IL4I1: variants seen among roughly 807,000 people sequenced by gnomAD.
IL4I1 encodes the protein interleukin 4 induced 1.
In IL4I1, 24 loss-of-function variants were observed where a neutral mutation model predicts 29.7. The ratio of observed to expected loss-of-function variants is 0.81; its 90% CI spans 0.59 to 1.14. The LOEUF (loss-of-function observed/expected upper bound fraction) is 1.14, where lower values mean the gene tolerates loss of function less well. IL4I1 is among the 50% of genes most tolerant of loss of function. The pLI is 0.00. For synonymous variants in IL4I1, 371 were observed against 352.5 expected, an observed-to-expected ratio of 1.05 and a Z score of -0.59; for missense variants, 686 against 785.6, an observed-to-expected ratio of 0.87 and a Z score of 1.52.
intron 7 of IL4I1, 120 bp downstream of exon 7, chr19:49,890,851 C>T: frequency 2.2e-6 from 2 of 909,882 alleles, no homozygotes; most frequent in Non-Finnish European, 3.2e-6. Flanking sequence ...CCGCGACCAT[C>T]AATTAGGCCA....
intron 3 of IL4I1, 117 bp downstream of exon 3, chr19:49,895,698 T>TGCCCCCCCCAACCCCCCCCCCCC: frequency 2.8e-6 from 2 of 705,416 alleles, no homozygotes; most frequent in Non-Finnish European, 4.7e-6. Context: ...AGATAGCCTC[T>TGCCCCCCCCAACCCCCCCCCCCC]CCCCCCACAT....
In IL4I1 at chr19:49,909,749, G is replaced by A. The variant is rs1377446467; in HGVS notation, c.-227-5428C>T. ...AGGTGTGGTTGTTGCCGTCTTTGCAGTGCCAAACGTGAACCCGCCTGTAGG... is the reference window on the plus strand; with the variant it reads ...AGGTGTGGTTGTTGCCGTCTTTGCAATGCCAAACGTGAACCCGCCTGTAGG... On this transcript the variant is annotated intron_variant, in intron 2 of 9. Transcript: ENST00000341114. 3 of 1,614,124 alleles carry A rather than the reference G, an allele frequency of 1.9e-6. No individual in the cohort carries two copies. Among genetic ancestry groups the A allele is most frequent in the Non-Finnish European group, 2.5e-6 (3 of 1,180,042 alleles).
At chr19:49,912,522 G>A (rs1027417829) in intron 2 of IL4I1, among the ~76,000 whole-genome samples, 2 of 152,024 alleles carry the variant, frequency 1.3e-5, no homozygotes. Flanking sequence ...CAGGTGCCAG[G>A]GATCTATTCA....
At chr19:49,920,051 A>ATAGC (rs1400432079) in intron 2 of IL4I1, among the ~76,000 whole-genome samples, 6 of 151,620 alleles carry the variant, frequency 4.0e-5, no homozygotes, top group Non-Finnish European at 8.8e-5. Context: ...AGCCTCCCTA[A>ATAGC]TAGCTGGGAT....
chr19:49,907,537 C>CTTTTTTT (rs4009637), intron 2 of IL4I1: 9 of 332,844 alleles, frequency 2.7e-5, no homozygotes, highest in Admixed American at 4.1e-5. Flanking sequence ...CTGGGAGTTT[C>CTTTTTTT]TTTTTTTTTT....
At chr19:49,923,299 C>G (rs939471714) in intron 2 of IL4I1, among the ~76,000 whole-genome samples, 11 of 152,164 alleles carry the variant, frequency 7.2e-5, no homozygotes, top group Non-Finnish European at 1.3e-4. Flanking sequence ...ACCCAGTTAC[C>G]CTCCCTGGCT....
chr19:49,914,295 C>T (rs940760796), intron 2 of IL4I1, among the ~76,000 whole-genome samples: 9 of 152,198 alleles, frequency 5.9e-5, no homozygotes, highest in East Asian at 1.9e-4. Context: ...GTGCTGGTGG[C>T]GGTGGAGGAA....
At chr19:49,905,699 C>T (rs1029907171) in intron 2 of IL4I1, among the ~76,000 whole-genome samples, 4 of 152,172 alleles carry the variant, frequency 2.6e-5, no homozygotes, top group Middle Eastern at 3.4e-3. Flanking sequence ...CGGGTTCAAG[C>T]GATTCTCCTG....
At chr19:49,899,808 G>A (rs1000791431), upstream of IL4I1, among the ~76,000 whole-genome samples, 1 of 152,102 alleles carries the variant, frequency 6.6e-6, no homozygotes, top group East Asian at 1.9e-4. Flanking sequence ...GCCCGCCTCG[G>A]CCTCCCAAAG....
Position 49,890,372 on chromosome 19 carries a change from C to G in IL4I1, c.1002G>C (p.Pro334=), listed in dbSNP as rs1381036841. 6.3e-7 allele frequency: 1 copy of G among 1,599,976 alleles called. No individual in the cohort carries two copies. The highest frequency in any genetic ancestry group is 2.3e-5 in the East Asian group (1 of 44,442). ...GPAVKRITFS[P]PLPRHMQEAL... ...CCTCCTGCATGTGGCGGGGCAGCGG[C>G]GGCGAGAAGGTGATGCGCTTCACCG... The change falls in exon 8 of 8, where the codon CCG becomes CCC. Residue 334 remains proline (P), a synonymous_variant. Coordinates refer to ENST00000391826, the MANE Select transcript of IL4I1 (RefSeq NM_152899.2).
intron 3 of IL4I1, 21 bp downstream of exon 3, chr19:49,895,794 A>C (rs898809606): frequency 6.2e-7 from 1 of 1,603,200 alleles, no homozygotes; most frequent in African/African-American, 1.3e-5. Flanking sequence ...CTCCAGGTAG[A>C]CTGCAAGCAG....
In IL4I1 at chr19:49,908,638, G is replaced by A. The variant is rs538287092; in HGVS notation, c.-227-4317C>T. On this transcript the variant is annotated intron_variant, in intron 2 of 9. Transcript: ENST00000341114. ...GGGACAGGATGAAGTCGAGCTCCTG[G>A]TCCAGCCTCTTCTGGTCCAGCTTCA... The A allele has an allele frequency of 1.2e-5, 20 of 1,613,150 alleles. No homozygotes were observed. Among genetic ancestry groups the A allele is most frequent in the Admixed American group, 3.3e-5 (2 of 60,026 alleles).
At chr19:49,896,115 AC>A in intron 2 of IL4I1, 32 bp downstream of exon 2, 1 of 1,545,866 alleles carries the variant, frequency 6.5e-7, no homozygotes, top group East Asian at 2.4e-5. Flanking sequence ...GGTTCTACTC[AC>A]TTGTTCCAGA....
At chr19:49,908,934 AGGCAAAGCC>A in intron 2 of IL4I1, 2 of 1,608,418 alleles carry the variant, frequency 1.2e-6, no homozygotes, top group Non-Finnish European at 1.7e-6. Flanking sequence ...TTTAAATTCA[AGGCAAAGCC>A]GGTGGTGCTG....
intron 2 of IL4I1, among the ~76,000 whole-genome samples, chr19:49,919,591 C>A (rs1459818037): frequency 1.3e-5 from 2 of 152,166 alleles, no homozygotes; most frequent in East Asian, 3.9e-4. Context: ...ACCTTCTCTC[C>A]TGCTTTCCCC....
In IL4I1 at chr19:49,921,535, C is replaced by T. The variant is rs894822350; in HGVS notation, c.-228+6159G>A. Among the ~76,000 whole-genome samples, 10 of 152,306 alleles carry T rather than the reference C, an allele frequency of 6.6e-5. No homozygotes were observed. The highest frequency in any genetic ancestry group is 3.9e-4 in the East Asian group (2 of 5,170). On this transcript the variant is annotated intron_variant, in intron 2 of 9. Coordinates refer to the IL4I1 transcript ENST00000341114. This position sits in a 1 kb window ranked among gnomAD's most constrained non-coding sequence, Gnocchi z 5.4. The stretch of plus-strand genomic sequence containing the variant: ...GAGACGCCTGCAGGGAAGAGAGGGG[C>T]GTCCGCTGCTCGCCAACCCCCATAC...
At chr19:49,891,530 C>T (rs372970329) in intron 5 of IL4I1, 57 bp from the exon 6 acceptor site, 12 of 1,496,014 alleles carry the variant, frequency 8.0e-6, no homozygotes, top group Non-Finnish European at 1.1e-5. Context: ...GGGTGGAGGC[C>T]GGGCCTGGAG....
intron 4 of IL4I1, among the ~76,000 whole-genome samples, chr19:49,894,821 C>T (rs58656993): frequency 0.057 from 8,606 of 151,874 alleles, 494 homozygotes; most frequent in African/African-American, 0.14. Flanking sequence ...CCTGGAGGGG[C>T]CAGCACAGGA....
chr19:49,903,012 G>A (rs1194256254), intron 3 of IL4I1, among the ~76,000 whole-genome samples: 1 of 152,046 alleles, frequency 6.6e-6, no homozygotes, highest in Non-Finnish European at 1.5e-5. Flanking sequence ...CTACTCAGGA[G>A]GCTGAGGCAG....
Sources: allele counts gnomAD v4.1 joint callset (sites outside exome capture counted in the v4.1 genomes callset), GRCh38; gene constraint gnomAD v4.1.1; non-coding constraint Gnocchi (gnomAD v3.1); transcripts MANE v1.5; gene names NCBI Gene and HGNC (gene_info 2026-07-23, HGNC 2026-07-21).